Variants in TGM3 observed in about 807,000 individuals in gnomAD.
TGM3 encodes the protein protein-glutamine gamma-glutamyltransferase E.
A neutral mutation model predicts 73.8 loss-of-function variants in TGM3; 52 were observed. The ratio of observed to expected loss-of-function variants is 0.70; its 90% CI spans 0.56 to 0.89. The LOEUF (loss-of-function observed/expected upper bound fraction) is 0.89, where lower values mean the gene tolerates loss of function less well. Ranked by LOEUF, TGM3 falls within the 40% of genes least tolerant of loss-of-function variation. The pLI, the probability that TGM3 is intolerant of heterozygous loss-of-function variation, is 0.00. For synonymous variants in TGM3, 372 were observed against 354.9 expected (o/e 1.05, Z -0.54); for missense variants, 928 against 909.9 (o/e 1.02, Z -0.26).
chr20:2,321,386 C>A (rs368401748), intron 7 of TGM3, among the ~76,000 whole-genome samples: 1 of 152,170 alleles, frequency 6.6e-6, no homozygotes, highest in Non-Finnish European at 1.5e-5. Flanking sequence ...GTATTATTGG[C>A]ACTCTCTTGG....
chr20:2,323,577 C>T (rs1395059321), intron 7 of TGM3, among the ~76,000 whole-genome samples: 1 of 152,214 alleles, frequency 6.6e-6, no homozygotes, highest in African/African-American at 2.4e-5. Flanking sequence ...CTGATGTGGA[C>T]TTACTGGCTC....
rs1180103282 is a variant in TGM3, at chr20:2,326,507, T to C, written c.1087+555T>C. ...CTTCCCTTCTCTGACCTCTAGAGCA[T>C]GACTTGTCTGTTACCCTCATTTTCA... On this transcript the variant is annotated intron_variant, in intron 8 of 12. Transcript: ENST00000381458. 2.0e-5 allele frequency among the ~76,000 whole-genome samples: 3 copies of C among 152,224 alleles called. No homozygotes were observed. In the South Asian group the frequency reaches 6.2e-4, roughly 32 times the overall value.
chr20:2,302,150 C>T (rs947718783), intron 1 of TGM3, among the ~76,000 whole-genome samples: 2 of 152,214 alleles, frequency 1.3e-5, no homozygotes, highest in Non-Finnish European at 1.5e-5. Flanking sequence ...CCATGTTGGG[C>T]CCCCTGTCAG....
At chr20:2,300,893 C>T (rs1180996905) in intron 1 of TGM3, among the ~76,000 whole-genome samples, 2 of 152,014 alleles carry the variant, frequency 1.3e-5, no homozygotes, top group Admixed American at 1.3e-4. Flanking sequence ...CTGGGGGCCC[C>T]GGTGCTAGTG....
In TGM3 at chr20:2,332,461, A is replaced by C; in HGVS notation, c.1642+151A>C. 1 of 839,456 alleles carries C rather than the reference A, an allele frequency of 1.2e-6. No individual in the cohort carries two copies. The highest frequency in any genetic ancestry group is 1.7e-5 in the African/African-American group (1 of 58,384). 52.0% of individuals were successfully genotyped at this position (839,456 alleles called of 1,614,324 possible). ...GTTAAGCCATGTATTAATGCTTTGG[A>C]AGTTTCTGTCTCTATGAACAGAGTG... On this transcript the variant is annotated intron_variant, in intron 10 of 12. Transcript: ENST00000381458. The surrounding 1 kb of genome is among the most constrained non-coding windows in gnomAD (Gnocchi z 4.4).
chr20:2,336,021 C>T (rs975723101), intron 11 of TGM3, among the ~76,000 whole-genome samples: 4 of 152,226 alleles, frequency 2.6e-5, no homozygotes, highest in African/African-American at 4.8e-5. Flanking sequence ...TGGCTGAGAA[C>T]AAAGACCCCT....
At position 2,317,190 on chromosome 20, in the gene TGM3, C is replaced by T. The variant is rs756078633; in HGVS notation, c.792C>T (p.Gly264=). 6.2e-7 allele frequency: 1 copy of T among 1,614,168 alleles called. No homozygotes were observed. The highest frequency in any genetic ancestry group is 8.5e-7 in the Non-Finnish European group (1 of 1,180,038). Residue 264 remains glycine (G), a synonymous_variant, in exon 6 of 13, where the codon GGC becomes GGT. Coordinates refer to ENST00000381458, the MANE Select transcript of TGM3 (RefSeq NM_003245.4). The part of the protein sequence containing the change: ...VEILKNWKKS[G]FSPVRYGQCW... ...TCCTCAAAAATTGGAAAAAATCTGGCTTCAGCCCAGTCCGATATGGCCAGT... is the reference window on the plus strand; with the variant it reads ...TCCTCAAAAATTGGAAAAAATCTGGTTTCAGCCCAGTCCGATATGGCCAGT...
chr20:2,316,497 G>A (rs907689139), intron 5 of TGM3, among the ~76,000 whole-genome samples: 1 of 152,062 alleles, frequency 6.6e-6, no homozygotes, highest in Non-Finnish European at 1.5e-5. Context: ...AGGAGGCGAA[G>A]CTTGCAGTGA....
At chr20:2,322,016 T>C (rs2084265238) in intron 7 of TGM3, among the ~76,000 whole-genome samples, 1 of 151,934 alleles carries the variant, frequency 6.6e-6, no homozygotes, top group Non-Finnish European at 1.5e-5. Flanking sequence ...GTGTGAAACT[T>C]GGTGTCCTTA....
intron 7 of TGM3, among the ~76,000 whole-genome samples, 156 bp downstream of exon 7, chr20:2,317,641 A>C (rs928649677): frequency 6.6e-6 from 1 of 151,628 alleles, no homozygotes; most frequent in African/African-American, 2.4e-5. Context: ...TGCTGATTAC[A>C]CACTTAGCAG....
intron 1 of TGM3, among the ~76,000 whole-genome samples, chr20:2,303,737 A>T (rs1049763647): frequency 1.3e-5 from 2 of 152,204 alleles, no homozygotes; most frequent in Admixed American, 6.5e-5. Flanking sequence ...GAACGTTGGG[A>T]TAGATATTTA....
At chr20:2,331,005 CAAA>C (rs59627856) in intron 9 of TGM3, among the ~76,000 whole-genome samples, 249 of 65,482 alleles carry the variant, frequency 3.8e-3, no homozygotes, top group African/African-American at 8.6e-3. Context: ...GACCCTGTCA[CAAA>C]AAAAAAAAAA....
chr20:2,323,780 C>T (rs2084273426), intron 7 of TGM3, among the ~76,000 whole-genome samples: 2 of 152,152 alleles, frequency 1.3e-5, no homozygotes, highest in Non-Finnish European at 2.9e-5. Context: ...GTATCTCTGT[C>T]ATGTTATCTC....
intron 9 of TGM3, among the ~76,000 whole-genome samples, chr20:2,331,801 G>A (rs888323757): frequency 1.3e-5 from 2 of 152,222 alleles, no homozygotes; most frequent in Non-Finnish European, 2.9e-5. Flanking sequence ...ATTTAGAGCT[G>A]ATTAGAAAAG....
chr20:2,298,437 A>G (rs1164736308), intron 1 of TGM3, among the ~76,000 whole-genome samples: 1 of 152,208 alleles, frequency 6.6e-6, no homozygotes, highest in Non-Finnish European at 1.5e-5. Context: ...TTCTCAGGGT[A>G]CACACCTGAA....
chr20:2,301,548 G>T (rs1249133000), intron 1 of TGM3, among the ~76,000 whole-genome samples: 2 of 150,564 alleles, frequency 1.3e-5, no homozygotes, highest in Non-Finnish European at 2.9e-5. Context: ...AAAAAAAGCA[G>T]AAGAGAAAAT....
In TGM3 at chr20:2,334,935, T is replaced by C. The variant is rs214826; in HGVS notation, c.1643-181T>C. On this transcript the variant is annotated intron_variant, in intron 10 of 12. Transcript: ENST00000381458. The surrounding 1 kb of genome is among the most constrained non-coding windows in gnomAD (Gnocchi z 4.0). ...CCTGGGGCCTCTTTGCCCCCTGCTC[T>C]GGAGCCCACCCTGACCGGGGGACGC... Among the ~76,000 whole-genome samples, 130,949 of 152,180 alleles carry C rather than the reference T, an allele frequency of 0.86. 56,739 individuals carry two copies. The highest frequency in any genetic ancestry group is 0.92 in the Non-Finnish European group (62,464 of 68,000).
Position 2,328,024 on chromosome 20 carries a change from C to A in TGM3, c.1088-96C>A. ...TGAAGGAATTTGGGCGGGGCAGAGGCAGGGGGTTGCAGTGGTCCTGGAAGG... is the reference window on the plus strand; with the variant it reads ...TGAAGGAATTTGGGCGGGGCAGAGGAAGGGGGTTGCAGTGGTCCTGGAAGG... On this transcript the variant is annotated intron_variant, in intron 8 of 12. Transcript: ENST00000381458. This position sits in a 1 kb window ranked among gnomAD's most constrained non-coding sequence, Gnocchi z 5.2. 6.4e-7 allele frequency: 1 copy of A among 1,553,556 alleles called. No individual in the cohort carries two copies. The highest frequency in any genetic ancestry group is 8.8e-7 in the Non-Finnish European group (1 of 1,140,166).
chr20:2,333,598 G>A (rs915442750), intron 10 of TGM3, among the ~76,000 whole-genome samples: 1 of 152,078 alleles, frequency 6.6e-6, no homozygotes, highest in Non-Finnish European at 1.5e-5. Context: ...GTCTCACTAT[G>A]TTGCCCAGGC....
Sources: allele counts gnomAD v4.1 joint callset (sites outside exome capture counted in the v4.1 genomes callset), GRCh38; gene constraint gnomAD v4.1.1; non-coding constraint Gnocchi (gnomAD v3.1); transcripts MANE v1.5; gene names NCBI Gene and HGNC (gene_info 2026-07-23, HGNC 2026-07-21).